Variants in NOMO1 observed in about 807,000 individuals in gnomAD.
NOMO1 encodes NODAL modulator 1.
In NOMO1, 40 loss-of-function variants were observed where a neutral mutation model predicts 133.8. The observed-to-expected ratio is 0.30, with a 90% CI of 0.23 to 0.39. The LOEUF is 0.39. Among genes scored for constraint, NOMO1 ranks in the 10% least tolerant of loss-of-function variants. The pLI is 1.00. For missense variants in NOMO1, 462 were observed against 1,419.9 expected, an observed-to-expected ratio of 0.33 and a Z score of 10.84; for synonymous variants, 236 against 570.5, an observed-to-expected ratio of 0.41 and a Z score of 8.36.
chr16:14,852,619 GGTAGGAGGGTGGGGGATTATAGACCA>G lies in NOMO1; in HGVS notation c.735+39_735+64del, dbSNP rs754175378. The G allele has an allele frequency of 2.7e-3, 2,050 of 759,912 alleles. 59 individuals carry two copies. The African/African-American group carries it at 0.033, about 12-fold the overall frequency. 47.1% of individuals were successfully genotyped at this position (759,912 alleles called of 1,614,324 possible). A position where few individuals can be genotyped will look rare whatever the true frequency, so the allele number is the denominator to read the frequency against. On this transcript the variant is annotated intron_variant, in intron 7 of 30. Coordinates refer to ENST00000287667, the MANE Select transcript of NOMO1 (RefSeq NM_014287.4). ...AAAGAACAAAAGAGATGGTGTGAAG[GGTAGGAGGGTGGGGGATTATAGACCA>G]GAACGTACTGTTTTAAAAAATGCAG...
chr16:14,867,165 TATA>T (rs1964011007), intron 15 of NOMO1, among the ~76,000 whole-genome samples: 3 of 23,594 alleles, frequency 1.3e-4, no homozygotes, highest in African/African-American at 2.2e-4. Context: ...TATATATATA[TATA>T]TATATATATT....
At chr16:14,887,025 A>T (rs1964335691) in intron 28 of NOMO1, among the ~76,000 whole-genome samples, 163 bp downstream of exon 28, 1 of 151,906 alleles carries the variant, frequency 6.6e-6, no homozygotes, top group African/African-American at 2.4e-5. Context: ...TTTTTTCTTC[A>T]TTGTTTTTCT....
At chr16:14,836,694 C>CTGATTTTTTT (rs1441454921) in intron 1 of NOMO1, among the ~76,000 whole-genome samples, 3 of 131,268 alleles carry the variant, frequency 2.3e-5, no homozygotes, top group African/African-American at 5.7e-5. Context: ...TTCCATTTTA[C>CTGATTTTTTT]TTTTTTTTTT....
intron 11 of NOMO1, 117 bp from the exon 12 acceptor site, chr16:14,862,896 G>A (rs1963940097): frequency 1.5e-6 from 2 of 1,306,422 alleles, no homozygotes; most frequent in African/African-American, 3.0e-5. Context: ...TCTTCATTAA[G>A]ATTAGACTAT....
Position 14,878,805 on chromosome 16 carries a change from G to C in NOMO1, c.2728G>C (p.Asp910His). Reference sequence around the variant, plus strand: ...GTTTCGTTCCAACCTCTTGACCCAGGACAACGGCATTCTGACATTCTCAAA... The same window carrying C: ...GTTTCGTTCCAACCTCTTGACCCAGCACAACGGCATTCTGACATTCTCAAA... ...GLFRSNLLTQ[D>H]NGILTFSNLS... The change falls in exon 23 of 31, where the codon GAC becomes CAC. Residue 910 changes from aspartate to histidine, a missense_variant. By Grantham distance (81) the Asp-to-His change is moderately conservative (BLOSUM62 -1). Coordinates refer to ENST00000287667, the MANE Select transcript of NOMO1 (RefSeq NM_014287.4). 2.5e-6 allele frequency: 4 copies of C among 1,611,818 alleles called. No individual in the cohort carries two copies. The highest frequency in any genetic ancestry group is 3.4e-6 in the Non-Finnish European group (4 of 1,179,838).
rs1964290337 is a variant in NOMO1, at chr16:14,884,366, C to T, written c.3112-6C>T. 6.8e-7 allele frequency: 1 copy of T among 1,463,320 alleles called. No individual in the cohort carries two copies. Among genetic ancestry groups the T allele is most frequent in the South Asian group, 1.2e-5 (1 of 85,420 alleles). 90.6% of individuals were successfully genotyped at this position (1,463,320 alleles called of 1,614,324 possible). A position where few individuals can be genotyped will look rare whatever the true frequency, so the allele number is the denominator to read the frequency against. On this transcript the variant is annotated splice_region_variant and splice_polypyrimidine_tract_variant and intron_variant, in intron 26 of 30. Transcript: ENST00000287667. ...CATTACTGGTATTCCCTCTTTCTCT[C>T]TCTAGGTTGGGAATAATGACATCGA...
chr16:14,870,717 A>G lies in NOMO1; in HGVS notation c.1895-904A>G, dbSNP rs575599773. On this transcript the variant is annotated intron_variant, in intron 16 of 30. Transcript: ENST00000287667. Reference sequence around the variant, plus strand: ...TGCCTCCTACACTCTTGCTATCAGCACTCACTTCTATCCCCTTCTTGCATG... The same window carrying G: ...TGCCTCCTACACTCTTGCTATCAGCGCTCACTTCTATCCCCTTCTTGCATG... 1.7e-3 allele frequency among the ~76,000 whole-genome samples: 247 copies of G among 147,752 alleles called. 9 individuals carry two copies. Among genetic ancestry groups the G allele is most frequent in the African/African-American group, 5.9e-3 (241 of 40,840 alleles).
intron 29 of NOMO1, among the ~76,000 whole-genome samples, chr16:14,892,655 C>T (rs1333718507): frequency 2.0e-5 from 3 of 150,828 alleles, no homozygotes; most frequent in South Asian, 2.1e-4. Flanking sequence ...CTTGGATTCC[C>T]GAGCAGGGCC....
At chr16:14,846,796 G>A in intron 5 of NOMO1, 113 bp downstream of exon 5, 17 of 1,597,620 alleles carry the variant, frequency 1.1e-5, no homozygotes, top group Non-Finnish European at 1.5e-5. Flanking sequence ...TCCTGATTCA[G>A]CCTCTTTGGG....
intron 9 of NOMO1, among the ~76,000 whole-genome samples, chr16:14,856,480 T>G (rs1963837758): frequency 6.6e-6 from 1 of 151,424 alleles, no homozygotes; most frequent in African/African-American, 2.4e-5. Context: ...GGCACTGTCT[T>G]GGCTCACTGC....
chr16:14,874,954 C>T lies in NOMO1; in HGVS notation c.2055-82C>T, dbSNP rs1964132017. On this transcript the variant is annotated intron_variant, in intron 18 of 30. Transcript: ENST00000287667. ...GATAAGATGTCCAGTTTGTAACTCG[C>T]AAGTCCATACTCGTAGAAAGGTCAA... The T allele has an allele frequency of 1.7e-5, 26 of 1,542,280 alleles. No individual in the cohort carries two copies. In the South Asian group the frequency reaches 2.6e-4, roughly 15 times the overall value.
chr16:14,883,298 A>T (rs1271719098), intron 26 of NOMO1, among the ~76,000 whole-genome samples: 3 of 150,962 alleles, frequency 2.0e-5, no homozygotes, highest in African/African-American at 7.3e-5. Context: ...GTGAGGGAGG[A>T]TAGAACTTTT....
rs764269574 is a variant in NOMO1 at position 14,866,516 on chromosome 16, C to T, written c.1670-39C>T. ...GTGGCGTGGAGGGAGGTGGTGTGCT[C>T]CACGCCCATGTATCCGTTTTTGGTG... On this transcript the variant is annotated intron_variant, in intron 14 of 30. Transcript: ENST00000287667. 4.4e-5 allele frequency: 71 copies of T among 1,609,986 alleles called. 1 individual carries two copies. Among genetic ancestry groups the T allele is most frequent in the South Asian group, 2.2e-5 (2 of 90,908 alleles).
rs572141453 is a variant in NOMO1 at position 14,876,396 on chromosome 16, G to C, written c.2394G>C (p.Lys798Asn). Residue 798 changes from lysine (K) to asparagine (N), a missense_variant, in exon 21 of 31, where the codon AAG (lysine) becomes AAC (asparagine). By Grantham distance (94) the Lys-to-Asn change is moderately conservative. Transcript: ENST00000287667. ...GGAAGCTGATCGAGATCCATGGGAAGGCAGGCCTGTTTTTAGAAGGCCAGA... is the reference window on the plus strand; with the variant it reads ...GGAAGCTGATCGAGATCCATGGGAACGCAGGCCTGTTTTTAGAAGGCCAGA... ...CPGKLIEIHG[K>N]AGLFLEGQIH... 1.2e-5 allele frequency: 20 copies of C among 1,611,246 alleles called. No individual in the cohort carries two copies. The highest frequency in any genetic ancestry group is 1.6e-5 in the Non-Finnish European group (19 of 1,179,728).
intron 6 of NOMO1, among the ~76,000 whole-genome samples, chr16:14,851,313 T>G (rs1320500320): frequency 6.6e-6 from 1 of 151,918 alleles, no homozygotes; most frequent in Admixed American, 6.6e-5. Context: ...GGCTTGCTGG[T>G]GCTATTCTGT....
chr16:14,844,680 CG>C lies in NOMO1; in HGVS notation c.309del (p.Thr104ProfsTer28), dbSNP rs1567536831. 1.7e-6 allele frequency: 1 copy of C among 603,168 alleles called. No homozygotes were observed. The highest frequency in any genetic ancestry group is 3.7e-5 in the Admixed American group (1 of 26,744). The allele number at this position is 603,168 out of a possible 1,614,324, so 37.4% of individuals were successfully genotyped here. A position where few individuals can be genotyped will look rare whatever the true frequency, so the allele number is the denominator to read the frequency against. ...CCCCTGCTTCGTTCCTCAGAGCCGACGACCGTGGAGCTCCATGTGGATGGAG... is the reference window on the plus strand; with the variant it reads ...CCCCTGCTTCGTTCCTCAGAGCCGACACCGTGGAGCTCCATGTGGATGGAG... ...EPPLGWSFEP[T>X]TVELHVDGVS... On this transcript the variant is annotated frameshift_variant, in exon 4 of 31. Transcript: ENST00000287667. LOFTEE classifies it high-confidence loss of function.
intron 27 of NOMO1, among the ~76,000 whole-genome samples, chr16:14,885,258 G>A (rs1964306935): frequency 6.6e-6 from 1 of 151,890 alleles, no homozygotes; most frequent in African/African-American, 2.4e-5. Flanking sequence ...GTGGTGGACG[G>A]TGGGCTGGAG....
chr16:14,836,927 G>A (rs1294030607), intron 1 of NOMO1, among the ~76,000 whole-genome samples: 3 of 151,030 alleles, frequency 2.0e-5, no homozygotes, highest in South Asian at 2.1e-4. Context: ...GGATGGTCTC[G>A]ATCTCCTGAC....
chr16:14,859,391 C>T (rs539737772), intron 11 of NOMO1, among the ~76,000 whole-genome samples: 1 of 152,068 alleles, frequency 6.6e-6, no homozygotes, highest in South Asian at 2.1e-4. Context: ...GTCTTTCCCA[C>T]CTTCCATAAA....
Sources: gnomAD v4.1 joint callset for allele counts (sites outside exome capture counted in the v4.1 genomes callset) on GRCh38, gnomAD v4.1.1 for gene constraint, MANE v1.5 for transcripts, NCBI Gene and HGNC (gene_info 2026-07-23, HGNC 2026-07-21) for gene names.